LRRC2: variants seen among roughly 807,000 people sequenced by gnomAD.
LRRC2 encodes leucine rich repeat containing 2.
In LRRC2, 27 loss-of-function variants were observed where a neutral mutation model predicts 40.2. That is an observed-to-expected ratio of 0.67 (90% CI 0.49 to 0.93). The LOEUF (loss-of-function observed/expected upper bound fraction) is 0.93. Ranked by LOEUF, LRRC2 falls within the 40% of genes least tolerant of loss-of-function variation. The pLI is 0.00. For missense variants in LRRC2, 402 were observed against 439.6 expected, an observed-to-expected ratio of 0.91 and a Z score of 0.76; for synonymous variants, 147 against 158.9, an observed-to-expected ratio of 0.92 and a Z score of 0.56.
chr3:46,543,635 A>AATAATC (rs1559415649), intron 3 of LRRC2, among the ~76,000 whole-genome samples: 1 of 93,322 alleles, frequency 1.1e-5, no homozygotes, highest in African/African-American at 3.5e-5. Context: ...TAATAATAAT[A>AATAATC]ATAATAATAA....
chr3:46,553,699 G>A (rs1704718047), intron 1 of LRRC2, among the ~76,000 whole-genome samples: 1 of 152,046 alleles, frequency 6.6e-6, no homozygotes, highest in African/African-American at 2.4e-5. Flanking sequence ...TGTTACCCAG[G>A]CTGGTCTTGA....
At chr3:46,543,723 A>G (rs1704456443) in intron 3 of LRRC2, among the ~76,000 whole-genome samples, 1 of 152,120 alleles carries the variant, frequency 6.6e-6, no homozygotes, top group South Asian at 2.1e-4. Flanking sequence ...CAGGTTCTCC[A>G]GGTGAACTGG....
At chr3:46,550,008 T>G (rs1704609521) in intron 2 of LRRC2, among the ~76,000 whole-genome samples, 1 of 152,240 alleles carries the variant, frequency 6.6e-6, no homozygotes, top group East Asian at 1.9e-4. Flanking sequence ...GTTGTTTTTT[T>G]GTAAAGACAG....
At chr3:46,534,428 CTTTCT>C (rs770392483) in intron 4 of LRRC2, among the ~76,000 whole-genome samples, 3 of 107,898 alleles carry the variant, frequency 2.8e-5, no homozygotes, top group Non-Finnish European at 5.2e-5. Flanking sequence ...TCCTTCCTTT[CTTTCT>C]TTCTTTCTTT....
intron 8 of LRRC2, among the ~76,000 whole-genome samples, chr3:46,519,531 C>A (rs1310029353): frequency 6.6e-6 from 1 of 152,178 alleles, no homozygotes; most frequent in Non-Finnish European, 1.5e-5. Context: ...TAGTTGCTGA[C>A]CCCTCTTCTC....
At position 46,521,041 on chromosome 3, in the gene LRRC2, C is replaced by T. The variant is rs1311441845; in HGVS notation, c.1066+481G>A. ...CTCGCCCCTCTGTATTCTCACCACC[C>T]TATGGGAACCAAAACTAAATGCATC... On this transcript the variant is annotated intron_variant, in intron 8 of 8. Coordinates refer to ENST00000395905, the MANE Select transcript of LRRC2 (RefSeq NM_024512.5). Among the ~76,000 whole-genome samples, 7 of 152,186 alleles carry T rather than the reference C, an allele frequency of 4.6e-5. 1 individual carries two copies. The South Asian group carries it at 8.3e-4, about 18-fold the overall frequency.
chr3:46,520,972 C>A (rs1703953699), intron 8 of LRRC2, among the ~76,000 whole-genome samples: 1 of 152,176 alleles, frequency 6.6e-6, no homozygotes. Flanking sequence ...GAATCTGGCG[C>A]TGGGAAAAAG....
Position 46,518,959 on chromosome 3 carries a change from A to C in LRRC2, c.*55T>G, listed in dbSNP as rs1284926394. 2 of 1,207,424 alleles carry C rather than the reference A, an allele frequency of 1.7e-6. No individual in the cohort carries two copies. The highest frequency in any genetic ancestry group is 2.5e-6 in the Non-Finnish European group (2 of 811,410). 74.8% of individuals were successfully genotyped at this position (1,207,424 alleles called of 1,614,324 possible). On this transcript the variant is annotated 3_prime_UTR_variant, in exon 9 of 9. Coordinates refer to ENST00000395905, the MANE Select transcript of LRRC2 (RefSeq NM_024512.5). ...TCTTCCTATATGACATGATCATAAC[A>C]AAGATTTATATATAGCTCCAGAGAA...
chr3:46,562,073 C>G (rs988007600), intron 1 of LRRC2, among the ~76,000 whole-genome samples: 2 of 152,176 alleles, frequency 1.3e-5, no homozygotes, highest in Non-Finnish European at 2.9e-5. Context: ...ATTCCTCCCC[C>G]CTTGAGCATG....
intron 4 of LRRC2, among the ~76,000 whole-genome samples, chr3:46,538,043 G>A (rs930442756): frequency 3.3e-5 from 5 of 152,314 alleles, no homozygotes; most frequent in Non-Finnish European, 4.4e-5. Flanking sequence ...CCCCAAGATC[G>A]GCCTGGGTAA....
intron 8 of LRRC2, among the ~76,000 whole-genome samples, chr3:46,521,221 G>A (rs1016511408): frequency 4.6e-5 from 7 of 152,014 alleles, no homozygotes; most frequent in East Asian, 1.9e-4. Flanking sequence ...TGTCAATATC[G>A]TTTAGTTAAA....
At chr3:46,556,922 C>T (rs1704814151) in intron 1 of LRRC2, among the ~76,000 whole-genome samples, 1 of 152,120 alleles carries the variant, frequency 6.6e-6, no homozygotes, top group Non-Finnish European at 1.5e-5. Context: ...CACTCTTCCT[C>T]CTCTCCTTCT....
At chr3:46,547,962 C>T (rs889474294) in intron 2 of LRRC2, among the ~76,000 whole-genome samples, 8 of 152,190 alleles carry the variant, frequency 5.3e-5, no homozygotes, top group African/African-American at 1.9e-4. Flanking sequence ...CAAAGACATG[C>T]TGCTAGAACT....
intron 7 of LRRC2, among the ~76,000 whole-genome samples, chr3:46,523,872 C>T (rs1021985591): frequency 5.9e-5 from 9 of 152,188 alleles, no homozygotes; most frequent in East Asian, 1.9e-4. Context: ...TCTAACCACA[C>T]GTCGGACATC....
intron 3 of LRRC2, among the ~76,000 whole-genome samples, chr3:46,540,580 G>A (rs570513979): frequency 6.6e-6 from 1 of 151,274 alleles, no homozygotes; most frequent in East Asian, 1.9e-4. Context: ...GAGGAAAGCT[G>A]AAACCCCAAA....
intron 1 of LRRC2, among the ~76,000 whole-genome samples, chr3:46,562,305 C>A (rs1704961098): frequency 6.6e-6 from 1 of 152,132 alleles, no homozygotes; most frequent in Non-Finnish European, 1.5e-5. Flanking sequence ...AAAGCAGATC[C>A]TCCATCCCCA....
rs1704169717 is a variant in LRRC2 at position 46,532,073 on chromosome 3, G to A, written c.627+700C>T. ...TGGATTTCTTAAATCCTATCTGTAG[G>A]ACTACTTTAATCATCTACAAGTTTT... is the stretch of plus-strand genomic sequence containing the variant. On this transcript the variant is annotated intron_variant, in intron 5 of 8. Transcript: ENST00000395905. Among the ~76,000 whole-genome samples, 3 of 152,002 alleles carry A rather than the reference G, an allele frequency of 2.0e-5. No individual in the cohort carries two copies. The South Asian group carries it at 6.2e-4, about 32-fold the overall frequency.
At chr3:46,556,780 T>C (rs1377488753) in intron 1 of LRRC2, among the ~76,000 whole-genome samples, 1 of 152,034 alleles carries the variant, frequency 6.6e-6, no homozygotes, top group Non-Finnish European at 1.5e-5. Context: ...GGTTTCACCA[T>C]GTTGATCAGG....
At chr3:46,537,323 C>A (rs1704288606) in intron 4 of LRRC2, among the ~76,000 whole-genome samples, 2 of 152,206 alleles carry the variant, frequency 1.3e-5, no homozygotes, top group Admixed American at 6.5e-5. Flanking sequence ...TGGTCTCAAA[C>A]TCCTAGGCTC....
Sources: allele counts gnomAD v4.1 joint callset (sites outside exome capture counted in the v4.1 genomes callset), GRCh38; gene constraint gnomAD v4.1.1; transcripts MANE v1.5; gene names NCBI Gene and HGNC (gene_info 2026-07-23, HGNC 2026-07-21).